The following MAPRE3 variants were observed in gnomAD, a reference collection of about 807,000 sequenced individuals.
MAPRE3 encodes microtubule associated protein RP/EB family member 3.
Under a neutral mutation model 30.5 loss-of-function variants are expected in MAPRE3, and 2 were observed. The ratio of observed to expected loss-of-function variants is 0.07; its 90% CI spans 0.03 to 0.21. The LOEUF (loss-of-function observed/expected upper bound fraction) is 0.21, where lower values mean the gene tolerates loss of function less well. Among genes scored for constraint, MAPRE3 ranks in the 10% least tolerant of loss-of-function variants. The pLI, the probability that MAPRE3 is intolerant of heterozygous loss-of-function variation, is 1.00. For synonymous variants in MAPRE3, 110 were observed against 127.7 expected (o/e 0.86, Z 0.93); for missense variants, 204 against 351.8 (o/e 0.58, Z 3.36).
intron 1 of MAPRE3, among the ~76,000 whole-genome samples, chr2:26,981,184 G>T (rs1245226778): frequency 6.6e-6 from 1 of 152,130 alleles, no homozygotes; most frequent in Admixed American, 6.6e-5. Flanking sequence ...TGCTGCATTG[G>T]ACCTATGAAT....
intron 1 of MAPRE3, among the ~76,000 whole-genome samples, chr2:26,977,037 T>G (rs560727561): frequency 1.2e-3 from 177 of 152,274 alleles, no homozygotes; most frequent in African/African-American, 4.1e-3. Context: ...TTAAAAACAT[T>G]TGGAGAAGAA....
intron 1 of MAPRE3, among the ~76,000 whole-genome samples, chr2:27,002,557 C>T (rs1448769993): frequency 1.3e-5 from 2 of 152,078 alleles, no homozygotes. Flanking sequence ...TTATACCATG[C>T]CCATTAGTGT....
intron 1 of MAPRE3, among the ~76,000 whole-genome samples, chr2:26,982,118 T>C (rs1247111582): frequency 1.3e-5 from 2 of 152,210 alleles, no homozygotes; most frequent in African/African-American, 4.8e-5. Flanking sequence ...TGTTTCTCTC[T>C]TGCCTATTAT....
intron 3 of MAPRE3, chr2:27,023,776 G>A: frequency 2.0e-6 from 1 of 506,032 alleles, no homozygotes; most frequent in Non-Finnish European, 3.6e-6. Flanking sequence ...TCTCTGTAGG[G>A]CCCAAGAAAG....
At chr2:27,005,376 C>T (rs929822919) in intron 1 of MAPRE3, among the ~76,000 whole-genome samples, 2 of 152,216 alleles carry the variant, frequency 1.3e-5, no homozygotes, top group Non-Finnish European at 2.9e-5. Flanking sequence ...CTTCACTGCA[C>T]TCTCAAACCT....
intron 1 of MAPRE3, among the ~76,000 whole-genome samples, chr2:26,995,823 G>GTGTGTGTGTGTGTGTA (rs1200785865): frequency 1.3e-5 from 2 of 150,166 alleles, no homozygotes; most frequent in Admixed American, 1.3e-4. Context: ...GTGTGTGTGT[G>GTGTGTGTGTGTGTGTA]TGTGTGTATG....
intron 1 of MAPRE3, among the ~76,000 whole-genome samples, chr2:26,988,851 T>A (rs991375324): frequency 3.9e-5 from 6 of 152,234 alleles, no homozygotes; most frequent in Admixed American, 3.3e-4. Flanking sequence ...GGTTTCCTCC[T>A]TGAGGTATGT....
rs1272258261 is a variant in MAPRE3, at chr2:27,023,638, C to T, written c.267+161C>T. ...GGGAATTTTCCCCCTGCTCAAGGCA[C>T]AATGGAAAAGCCCACAACACTTGCC... On this transcript the variant is annotated intron_variant, in intron 3 of 6. Coordinates refer to ENST00000233121, the MANE Select transcript of MAPRE3 (RefSeq NM_012326.4). The T allele has an allele frequency of 6.4e-6, 5 of 786,606 alleles. No individual in the cohort carries two copies. In the South Asian group the frequency reaches 7.7e-5, roughly 12 times the overall value. 48.7% of individuals were successfully genotyped at this position (786,606 alleles called of 1,614,324 possible).
intron 1 of MAPRE3, among the ~76,000 whole-genome samples, chr2:26,989,103 G>C (rs1031600608): frequency 7.2e-5 from 11 of 152,116 alleles, no homozygotes; most frequent in Non-Finnish European, 1.5e-4. Context: ...CAGCACCAAT[G>C]TATCCCACAT....
chr2:27,024,982 A>G (rs1667204421), intron 4 of MAPRE3, among the ~76,000 whole-genome samples: 1 of 152,060 alleles, frequency 6.6e-6, no homozygotes, highest in Non-Finnish European at 1.5e-5. Flanking sequence ...TTGCACTAGA[A>G]GCAGCCCGCT....
At chr2:26,974,106 G>A (rs990143117) in intron 1 of MAPRE3, among the ~76,000 whole-genome samples, 4 of 152,336 alleles carry the variant, frequency 2.6e-5, no homozygotes, top group Middle Eastern at 3.4e-3. Flanking sequence ...CTAGGCAGAT[G>A]AATGTTGGTG....
chr2:27,008,533 G>A (rs567197178), intron 1 of MAPRE3, among the ~76,000 whole-genome samples: 4 of 152,290 alleles, frequency 2.6e-5, no homozygotes, highest in South Asian at 4.1e-4. Context: ...TGAAGCAGGA[G>A]TACAGGTTTA....
intron 2 of MAPRE3, 91 bp downstream of exon 2, chr2:27,022,430 T>TCATTCAGC: frequency 2.7e-6 from 4 of 1,495,700 alleles, no homozygotes; most frequent in Non-Finnish European, 3.6e-6. Context: ...GAATATACAG[T>TCATTCAGC]CATGCATGGC....
intron 1 of MAPRE3, among the ~76,000 whole-genome samples, chr2:26,988,137 G>A (rs183761420): frequency 6.6e-6 from 1 of 152,312 alleles, no homozygotes; most frequent in East Asian, 1.9e-4. Flanking sequence ...TTGCTACATG[G>A]TGTGTCCCTT....
Position 27,025,646 on chromosome 2 carries a change from T to C in MAPRE3, c.533T>C (p.Val178Ala). The change falls in exon 5 of 7, where the codon GTG becomes GCG. Residue 178 changes from valine to alanine, a missense_variant. Around this residue, in one of 5 missense-constraint regions of MAPRE3, gnomAD observed 32 missense variants for 20.7 expected, o/e 1.55. Coordinates refer to ENST00000233121, the MANE Select transcript of MAPRE3 (RefSeq NM_012326.4). Reference sequence around the variant, plus strand: ...CAGACCTCTGGCCGGCTGAGCAATGTGGCCCCCCCCTGCATTCTCCGGAAG... The same window carrying C: ...CAGACCTCTGGCCGGCTGAGCAATGCGGCCCCCCCCTGCATTCTCCGGAAG... Reference protein sequence around the residue: ...NMQTSGRLSNVAPPCILRKNP... With the variant: ...NMQTSGRLSNAAPPCILRKNP... The C allele has an allele frequency of 1.2e-6, 2 of 1,610,110 alleles. No individual in the cohort carries two copies. Among genetic ancestry groups the C allele is most frequent in the Non-Finnish European group, 1.7e-6 (2 of 1,177,984 alleles).
rs879681761 is a variant in MAPRE3, at chr2:26,970,655, A to C, written c.-155A>C. 2 of 152,090 alleles carry C rather than the reference A, an allele frequency of 1.3e-5. No individual in the cohort carries two copies. The highest frequency in any genetic ancestry group is 4.8e-5 in the African/African-American group (2 of 41,384). The allele number at this position is 152,090 out of a possible 1,614,324, so 9.4% of individuals were successfully genotyped here. ...CCTGCGCAGTGCCCTCGTCCCCCGC[A>C]GTCTCTGTGCGTTGAAGCCGGAGAC... is the stretch of plus-strand genomic sequence containing the variant. On this transcript the variant is annotated 5_prime_UTR_variant, in exon 1 of 7. Transcript: ENST00000233121.
chr2:27,016,415 C>T (rs1572768808), intron 1 of MAPRE3, among the ~76,000 whole-genome samples: 1 of 139,300 alleles, frequency 7.2e-6, no homozygotes, highest in Non-Finnish European at 1.5e-5. Flanking sequence ...GATGGAGTGT[C>T]GCTCTTTTGC....
chr2:27,008,137 CTT>C (rs2148217525), intron 1 of MAPRE3, among the ~76,000 whole-genome samples: 1 of 152,308 alleles, frequency 6.6e-6, no homozygotes, highest in South Asian at 2.1e-4. Flanking sequence ...ATGTTTGAAA[CTT>C]TGTCCTCTTT....
chr2:26,997,634 C>G (rs943717176), intron 1 of MAPRE3, among the ~76,000 whole-genome samples: 1 of 152,112 alleles, frequency 6.6e-6, no homozygotes, highest in Non-Finnish European at 1.5e-5. Context: ...TCCTAACATT[C>G]CACGGACCCG....
Sources: gnomAD v4.1 joint callset for allele counts (sites outside exome capture counted in the v4.1 genomes callset) on GRCh38, gnomAD v4.1.1 for gene constraint, gnomAD v4.1.1 regional missense constraint, MANE v1.5 for transcripts, NCBI Gene and HGNC (gene_info 2026-07-23, HGNC 2026-07-21) for gene names.